The following TBC1D16 variants were observed in gnomAD, a reference collection of about 807,000 sequenced individuals.
TBC1D16 encodes the protein CTD-2529O21.1.
Under a neutral mutation model 74.7 loss-of-function variants are expected in TBC1D16, and 58 were observed. That is an observed-to-expected ratio of 0.78 (90% confidence interval 0.63 to 0.97). The LOEUF is 0.97. Among genes scored for constraint, TBC1D16 ranks in the 50% least tolerant of loss-of-function variants. TBC1D16 has a pLI of 0.00. For missense variants in TBC1D16, 1,014 were observed against 1,079.5 expected, an observed-to-expected ratio of 0.94 and a Z score of 0.85; for synonymous variants, 493 against 474.7, an observed-to-expected ratio of 1.04 and a Z score of -0.50.
At position 79,952,677 on chromosome 17, in the gene TBC1D16, G is replaced by A. The variant is rs779729033; in HGVS notation, c.921C>T (p.Arg307=). 20 of 1,601,102 alleles carry A rather than the reference G, an allele frequency of 1.2e-5. No individual in the cohort carries two copies. The highest frequency in any genetic ancestry group is 1.4e-5 in the Non-Finnish European group (16 of 1,170,304). ...GVFRVDLGHM[R]SLRLFFSDEA... is the part of the protein sequence containing the mutation. ...CCTACCTGAAGAAAAGGCGGAGGGA[G>A]CGCATGTGGCCCAGGTCCACGCGGA... The change falls in exon 4 of 12, where the codon CGC becomes CGT. Residue 307 remains arginine (R), a synonymous_variant. Coordinates refer to ENST00000310924, the MANE Select transcript of TBC1D16 (RefSeq NM_019020.4).
chr17:80,018,701 A>G (rs1053765841), intron 1 of TBC1D16, among the ~76,000 whole-genome samples: 1 of 149,318 alleles, frequency 6.7e-6, no homozygotes, highest in Non-Finnish European at 1.5e-5. Context: ...TCCTGGGCTC[A>G]AGGAATCCTC....
chr17:79,970,028 A>G (rs2034013734), intron 3 of TBC1D16, among the ~76,000 whole-genome samples: 3 of 152,204 alleles, frequency 2.0e-5, no homozygotes, highest in Admixed American at 2.0e-4. Context: ...ATATCCAAAA[A>G]GAGAAAAATG....
chr17:80,008,649 C>G lies in TBC1D16; in HGVS notation c.779+1511G>C, dbSNP rs1007567962. Among the ~76,000 whole-genome samples, 14 of 152,304 alleles carry G rather than the reference C, an allele frequency of 9.2e-5. No homozygotes were observed. The highest frequency in any genetic ancestry group is 7.2e-4 in the Admixed American group (11 of 15,304). ...ACCAGAGTTCGGGCCCCGCCTCCCC[C>G]ACACCTCCTCGGGTTCCCTGGCGCC... On this transcript the variant is annotated intron_variant, in intron 3 of 11. Coordinates refer to ENST00000310924, the MANE Select transcript of TBC1D16 (RefSeq NM_019020.4). This position sits in a 1 kb window ranked among gnomAD's most constrained non-coding sequence, Gnocchi z 4.5.
At chr17:80,034,762 A>G (rs1184326638) in intron 1 of TBC1D16, among the ~76,000 whole-genome samples, 2 of 152,216 alleles carry the variant, frequency 1.3e-5, no homozygotes, top group Non-Finnish European at 2.9e-5. Flanking sequence ...CATGGATTTG[A>G]AAAAGTGTTC....
At chr17:79,964,196 G>C (rs907109390) in intron 3 of TBC1D16, among the ~76,000 whole-genome samples, 1 of 151,960 alleles carries the variant, frequency 6.6e-6, no homozygotes, top group Non-Finnish European at 1.5e-5. Flanking sequence ...GGCTGATCTC[G>C]AACTCCTGAC....
At chr17:79,972,543 A>G (rs1254673222) in intron 3 of TBC1D16, among the ~76,000 whole-genome samples, 1 of 152,196 alleles carries the variant, frequency 6.6e-6, no homozygotes, top group East Asian at 1.9e-4. Context: ...ACGCTAAGTG[A>G]AAGACGCCAG....
At chr17:80,027,481 C>T (rs9904254) in intron 1 of TBC1D16, among the ~76,000 whole-genome samples, 108 of 152,118 alleles carry the variant, frequency 7.1e-4, no homozygotes, top group Non-Finnish European at 5.0e-4. Context: ...TGCCTATAGT[C>T]TCAGCTACTC....
intron 3 of TBC1D16, among the ~76,000 whole-genome samples, chr17:79,999,533 CT>C (rs71163906): frequency 0.014 from 1,085 of 76,452 alleles, 1 homozygote; most frequent in African/African-American, 0.021. Flanking sequence ...CCCCAAATTT[CT>C]TTTTTTTTTT....
At position 79,950,010 on chromosome 17, in the gene TBC1D16, A is replaced by G. The variant is rs900594258; in HGVS notation, c.1258-145T>C. 1.8e-6 allele frequency: 2 copies of G among 1,085,490 alleles called. No homozygotes were observed. The highest frequency in any genetic ancestry group is 1.6e-5 in the African/African-American group (1 of 62,926). 67.2% of individuals were successfully genotyped at this position (1,085,490 alleles called of 1,614,324 possible). A position where few individuals can be genotyped will look rare whatever the true frequency, so the allele number is the denominator to read the frequency against. On this transcript the variant is annotated intron_variant, in intron 6 of 11. Coordinates refer to ENST00000310924, the MANE Select transcript of TBC1D16 (RefSeq NM_019020.4). This position sits in a 1 kb window ranked among gnomAD's most constrained non-coding sequence, Gnocchi z 4.6. The stretch of plus-strand genomic sequence containing the variant: ...TTGCACATATTTACAAGGGGAAAGC[A>G]GTGGCCTTCAATTCCCATACAGGAC...
chr17:80,002,710 C>T (rs2035537150), intron 3 of TBC1D16, among the ~76,000 whole-genome samples: 1 of 152,234 alleles, frequency 6.6e-6, no homozygotes, highest in Non-Finnish European at 1.5e-5. Flanking sequence ...CCGCTGTGAC[C>T]ACCAAACTTC....
Position 79,950,354 on chromosome 17 carries a change from CGTTCCCG to C in TBC1D16, c.1257+50_1257+56del. ...GCCCCGGCCCTCCTTCCCTCTCGCT[CGTTCCCG>C]GTTCCCGGCCGGCTCTCCGCGGGGC... On this transcript the variant is annotated intron_variant, in intron 6 of 11. Transcript: ENST00000310924. This position sits in a 1 kb window ranked among gnomAD's most constrained non-coding sequence, Gnocchi z 4.6. The C allele has an allele frequency of 6.6e-7, 1 of 1,523,570 alleles. No individual in the cohort carries two copies. Among genetic ancestry groups the C allele is most frequent in the Non-Finnish European group, 8.8e-7 (1 of 1,139,866 alleles). The allele number at this position is 1,523,570 out of a possible 1,614,324, so 94.4% of individuals were successfully genotyped here. A position where few individuals can be genotyped will look rare whatever the true frequency, so the allele number is the denominator to read the frequency against.
intron 8 of TBC1D16, among the ~76,000 whole-genome samples, chr17:79,948,416 G>A (rs780954428): frequency 7.9e-5 from 12 of 152,180 alleles, no homozygotes; most frequent in South Asian, 2.1e-4. Flanking sequence ...TCTGAAGGGT[G>A]GACTGCCTGT....
At chr17:79,959,743 A>C (rs1423986774) in intron 3 of TBC1D16, among the ~76,000 whole-genome samples, 2 of 152,230 alleles carry the variant, frequency 1.3e-5, no homozygotes, top group Non-Finnish European at 2.9e-5. Flanking sequence ...TAGATGTGAA[A>C]CCTTAACTAG....
In TBC1D16 at chr17:80,008,308, G is replaced by C. The variant is rs1036909126; in HGVS notation, c.779+1852C>G. Among the ~76,000 whole-genome samples the C allele has an allele frequency of 9.9e-5, 15 of 152,164 alleles. No homozygotes were observed. Among genetic ancestry groups the C allele is most frequent in the Admixed American group, 7.2e-4 (11 of 15,274 alleles). ...CTCCAAGAAAAGAAAGAATTTCCCA[G>C]GTTCACACTAACCAGTGATGCCAGG... On this transcript the variant is annotated intron_variant, in intron 3 of 11. Coordinates refer to ENST00000310924, the MANE Select transcript of TBC1D16 (RefSeq NM_019020.4). This position sits in a 1 kb window ranked among gnomAD's most constrained non-coding sequence, Gnocchi z 4.5.
Position 79,994,202 on chromosome 17 carries a change from T to C in TBC1D16, c.779+15958A>G, listed in dbSNP as rs2035183347. On this transcript the variant is annotated intron_variant, in intron 3 of 11. Coordinates refer to ENST00000310924, the MANE Select transcript of TBC1D16 (RefSeq NM_019020.4). This position sits in a 1 kb window ranked among gnomAD's most constrained non-coding sequence, Gnocchi z 4.6. The stretch of plus-strand genomic sequence containing the variant: ...GTTTAAGACGGCCCACCAGATGCAC[T>C]GGCTCCGCCCCCATCTCTTTAGAAT... Among the ~76,000 whole-genome samples, 2 of 151,820 alleles carry C rather than the reference T, an allele frequency of 1.3e-5. No homozygotes were observed. The highest frequency in any genetic ancestry group is 4.2e-4 in the South Asian group (2 of 4,788).
Position 79,940,856 on chromosome 17 carries a change from G to T in TBC1D16, c.*3C>A. The T allele has an allele frequency of 6.5e-7, 1 of 1,533,986 alleles. No individual in the cohort carries two copies. The highest frequency in any genetic ancestry group is 1.3e-5 in the South Asian group (1 of 79,914). ...AACCCCTGTCCGGTGTCGGGGGCCCGACCTATCTGCGGAAGCCGAAGCCGT... is the reference window on the plus strand; with the variant it reads ...AACCCCTGTCCGGTGTCGGGGGCCCTACCTATCTGCGGAAGCCGAAGCCGT... On this transcript the variant is annotated 3_prime_UTR_variant, in exon 12 of 12. Transcript: ENST00000310924. This position sits in a 1 kb window ranked among gnomAD's most constrained non-coding sequence, Gnocchi z 5.4.
At chr17:80,026,354 G>C (rs12951883) in intron 1 of TBC1D16, among the ~76,000 whole-genome samples, 23,149 of 149,862 alleles carry the variant, frequency 0.15, 2,546 homozygotes, top group East Asian at 0.25. Flanking sequence ...GAACCCGGGA[G>C]GCAGAGGTGG....
In TBC1D16 at chr17:79,950,399, C is replaced by T. The variant is rs766231820; in HGVS notation, c.1257+12G>A. On this transcript the variant is annotated intron_variant, in intron 6 of 11. Transcript: ENST00000310924. This position sits in a 1 kb window ranked among gnomAD's most constrained non-coding sequence, Gnocchi z 4.6. ...CTCTCCGCGGGGCCAGCTGGGCGGACCCGGACCTCACCTTCCGCAGCTTGT... is the reference window on the plus strand; with the variant it reads ...CTCTCCGCGGGGCCAGCTGGGCGGATCCGGACCTCACCTTCCGCAGCTTGT... The T allele has an allele frequency of 4.9e-5, 78 of 1,600,448 alleles. 1 individual carries two copies. In the South Asian group the frequency reaches 7.6e-4, roughly 16 times the overall value.
In TBC1D16 at chr17:79,948,910, G is replaced by A; in HGVS notation, c.1503C>T (p.Phe501=). The A allele has an allele frequency of 1.2e-6, 2 of 1,614,162 alleles. No individual in the cohort carries two copies. The highest frequency in any genetic ancestry group is 8.5e-7 in the Non-Finnish European group (1 of 1,180,016). ...CATTGGGATTGTCTTCCCCCCGGAA[G>A]AACTGGTTGTTCCGATCTGTCCGGA... The part of the protein sequence containing the change: ...DVVRTDRNNQ[F]FRGEDNPNVE... The change falls in exon 8 of 12, where the codon TTC becomes TTT. Residue 501 remains phenylalanine, a synonymous_variant. Coordinates refer to ENST00000310924, the MANE Select transcript of TBC1D16 (RefSeq NM_019020.4).
Sources: allele counts gnomAD v4.1 joint callset (sites outside exome capture counted in the v4.1 genomes callset), GRCh38; gene constraint gnomAD v4.1.1; non-coding constraint Gnocchi (gnomAD v3.1); transcripts MANE v1.5; gene names NCBI Gene and HGNC (gene_info 2026-07-23, HGNC 2026-07-21).